The following RAP1GDS1 variants were observed in gnomAD, a reference collection of about 807,000 sequenced individuals.
The protein encoded by RAP1GDS1 is Rap1 GTPase-GDP dissociation stimulator 1.
RAP1GDS1 carries 35 observed loss-of-function variants against 71.1 expected under a neutral mutation model. That is an observed-to-expected ratio of 0.49 (90% CI 0.38 to 0.65). The LOEUF is 0.65. Ranked by LOEUF, RAP1GDS1 falls within the 30% of genes least tolerant of loss-of-function variation. The pLI, the probability that RAP1GDS1 is intolerant of heterozygous loss-of-function variation, is 0.00. For synonymous variants in RAP1GDS1, 229 were observed against 243.1 expected (o/e 0.94, Z 0.54); for missense variants, 663 against 706.1 (o/e 0.94, Z 0.69).
chr4:98,280,371 A>AT (rs1217308880), intron 1 of RAP1GDS1, among the ~76,000 whole-genome samples: 1 of 152,062 alleles, frequency 6.6e-6, no homozygotes, highest in African/African-American at 2.4e-5. Flanking sequence ...GATGATGAGC[A>AT]TTTTTTCATG....
intron 2 of RAP1GDS1, among the ~76,000 whole-genome samples, chr4:98,342,683 G>A (rs1046077375): frequency 6.6e-5 from 10 of 151,998 alleles, no homozygotes; most frequent in African/African-American, 2.2e-4. Context: ...TTTTCATTCC[G>A]TATAAAATGA....
At chr4:98,345,230 C>T (rs1010406711) in intron 3 of RAP1GDS1, among the ~76,000 whole-genome samples, 7 of 151,978 alleles carry the variant, frequency 4.6e-5, no homozygotes, top group South Asian at 4.2e-4. Flanking sequence ...TAGAAATTGA[C>T]GATGAAAAAG....
At chr4:98,324,968 A>G (rs1455196130) in intron 2 of RAP1GDS1, among the ~76,000 whole-genome samples, 2 of 151,338 alleles carry the variant, frequency 1.3e-5, no homozygotes, top group African/African-American at 2.4e-5. Flanking sequence ...AGAAACTACC[A>G]TCAGAGTGAA....
chr4:98,293,636 A>G (rs1727283924), intron 2 of RAP1GDS1, 121 bp downstream of exon 2: 1 of 711,384 alleles, frequency 1.4e-6, no homozygotes. Flanking sequence ...CTTTTGAATC[A>G]TATCCCTGAA....
intron 7 of RAP1GDS1, among the ~76,000 whole-genome samples, chr4:98,405,617 G>A (rs1185903281): frequency 1.3e-5 from 2 of 151,934 alleles, no homozygotes; most frequent in Non-Finnish European, 2.9e-5. Flanking sequence ...GATCCAAGAA[G>A]CCCTTTGAAC....
chr4:98,279,920 C>G (rs1724806013), intron 1 of RAP1GDS1, among the ~76,000 whole-genome samples: 1 of 152,180 alleles, frequency 6.6e-6, no homozygotes, highest in Non-Finnish European at 1.5e-5. Flanking sequence ...CATCCATATC[C>G]CTGCAAAGGG....
chr4:98,437,791 CAAA>C (rs374755985), intron 14 of RAP1GDS1, among the ~76,000 whole-genome samples: 1 of 124,850 alleles, frequency 8.0e-6, no homozygotes, highest in Admixed American at 8.2e-5. Context: ...GACTCTGTCT[CAAA>C]AAAAAAAAAA....
intron 2 of RAP1GDS1, among the ~76,000 whole-genome samples, chr4:98,340,725 G>A (rs899304903): frequency 3.6e-4 from 54 of 151,984 alleles, no homozygotes; most frequent in African/African-American, 1.2e-3. Context: ...CTCCAGCCTA[G>A]TTGAAAGAGC....
chr4:98,438,931 C>T (rs991791872), intron 14 of RAP1GDS1, among the ~76,000 whole-genome samples: 3 of 152,098 alleles, frequency 2.0e-5, no homozygotes, highest in African/African-American at 7.2e-5. Flanking sequence ...AATATTTCTT[C>T]TACATATATT....
In RAP1GDS1 at chr4:98,430,547, A is replaced by G. The variant is rs79163351; in HGVS notation, c.1441-3389A>G. Among the ~76,000 whole-genome samples the G allele has an allele frequency of 1.2e-3, 181 of 152,318 alleles. 2 individuals are homozygous for G. Among genetic ancestry groups the G allele is most frequent in the African/African-American group, 4.3e-3 (177 of 41,580 alleles). ...TTGCATAGGTAGATTAGTTATGCAA[A>G]TAGTAATTATTTTTTTCTTTGCCTT... On this transcript the variant is annotated intron_variant, in intron 12 of 14. Coordinates refer to ENST00000408927, the MANE Select transcript of RAP1GDS1 (RefSeq NM_001100427.2).
intron 6 of RAP1GDS1, among the ~76,000 whole-genome samples, chr4:98,393,985 G>A (rs1367552101): frequency 1.3e-5 from 2 of 152,130 alleles, no homozygotes; most frequent in Admixed American, 6.6e-5. Flanking sequence ...AGAAAATGAA[G>A]TGCAACAGAA....
At chr4:98,309,546 A>G (rs907176819) in intron 2 of RAP1GDS1, among the ~76,000 whole-genome samples, 2 of 152,038 alleles carry the variant, frequency 1.3e-5, no homozygotes, top group Non-Finnish European at 2.9e-5. Context: ...AGAGTAAAAG[A>G]TTAGCTCTTG....
chr4:98,278,807 A>G (rs1299120379), intron 1 of RAP1GDS1, among the ~76,000 whole-genome samples: 1 of 152,200 alleles, frequency 6.6e-6, no homozygotes, highest in Non-Finnish European at 1.5e-5. Flanking sequence ...CCTCATAAGG[A>G]CTTCACTAGC....
chr4:98,313,258 C>T (rs910328575), intron 2 of RAP1GDS1, among the ~76,000 whole-genome samples: 1 of 152,050 alleles, frequency 6.6e-6, no homozygotes, highest in South Asian at 2.1e-4. Flanking sequence ...TTATTCTGTT[C>T]AGTTCTTCAA....
chr4:98,438,590 CTTTT>C (rs1185496995), intron 14 of RAP1GDS1, among the ~76,000 whole-genome samples: 1 of 62,572 alleles, frequency 1.6e-5, no homozygotes, highest in Non-Finnish European at 2.8e-5. Context: ...ATATATATAT[CTTTT>C]TTTTTTTTTT....
At chr4:98,275,018 C>CTGTGTGTGTGTG (rs3974887) in intron 1 of RAP1GDS1, among the ~76,000 whole-genome samples, 32 of 144,928 alleles carry the variant, frequency 2.2e-4, no homozygotes, top group African/African-American at 6.0e-4. Flanking sequence ...TTGTTTGCAG[C>CTGTGTGTGTGTG]TGTGTGTGTG....
intron 2 of RAP1GDS1, among the ~76,000 whole-genome samples, chr4:98,314,339 C>T (rs1730658007): frequency 6.6e-6 from 1 of 152,162 alleles, no homozygotes; most frequent in South Asian, 2.1e-4. Flanking sequence ...AAACTTCGTT[C>T]TTAACTTCAA....
chr4:98,375,419 AC>A (rs1313463773), intron 4 of RAP1GDS1, among the ~76,000 whole-genome samples: 5 of 152,152 alleles, frequency 3.3e-5, no homozygotes, highest in African/African-American at 9.7e-5. Context: ...TAGAACTTAA[AC>A]ATAGATTGAA....
At chr4:98,410,405 A>G (rs1434187412) in intron 7 of RAP1GDS1, among the ~76,000 whole-genome samples, 1 of 152,168 alleles carries the variant, frequency 6.6e-6, no homozygotes, top group Non-Finnish European at 1.5e-5. Flanking sequence ...AGTCTCATAA[A>G]CCAACTGTTG....
Sources: gnomAD v4.1 joint callset for allele counts (sites outside exome capture counted in the v4.1 genomes callset) on GRCh38, gnomAD v4.1.1 for gene constraint, MANE v1.5 for transcripts, NCBI Gene and HGNC (gene_info 2026-07-23, HGNC 2026-07-21) for gene names.